Variants in KCNIP4 observed in about 807,000 individuals in gnomAD.
KCNIP4 encodes the protein Kv channel-interacting protein 4.
A neutral mutation model predicts 34.0 loss-of-function variants in KCNIP4; 12 were observed. The observed-to-expected ratio is 0.35, with a 90% CI of 0.23 to 0.57. The LOEUF (loss-of-function observed/expected upper bound fraction) is 0.57. Ranked by LOEUF, KCNIP4 falls within the 20% of genes least tolerant of loss-of-function variation. The pLI, the probability that KCNIP4 is intolerant of heterozygous loss-of-function variation, is 0.83. For missense variants in KCNIP4, 238 were observed against 311.7 expected (o/e 0.76, Z 1.78); for synonymous variants, 124 against 102.2 (o/e 1.21, Z -1.29).
intron 1 of KCNIP4, among the ~76,000 whole-genome samples, chr4:21,796,058 G>A (rs1356254756): frequency 1.3e-5 from 2 of 152,160 alleles, no homozygotes; most frequent in African/African-American, 4.8e-5. Flanking sequence ...TACAGAGACA[G>A]ACTCTGTCTC....
intron 5 of KCNIP4, among the ~76,000 whole-genome samples, chr4:20,735,041 C>T (rs1010910244): frequency 2.2e-4 from 33 of 152,136 alleles, no homozygotes; most frequent in African/African-American, 7.7e-4. Flanking sequence ...TGCAAGTGCA[C>T]ATGATTTACT....
At chr4:20,772,476 G>GT (rs998721903) in intron 3 of KCNIP4, among the ~76,000 whole-genome samples, 21 of 152,046 alleles carry the variant, frequency 1.4e-4, no homozygotes, top group Admixed American at 7.9e-4. Context: ...AACTTGAATT[G>GT]TTTTTTACAA....
chr4:21,483,436 A>G (rs1731619349), intron 1 of KCNIP4, among the ~76,000 whole-genome samples: 1 of 151,814 alleles, frequency 6.6e-6, no homozygotes, highest in South Asian at 2.1e-4. Flanking sequence ...GTTTCCAACG[A>G]TTTAGTACCA....
chr4:21,101,454 G>A (rs1487144846), intron 1 of KCNIP4, among the ~76,000 whole-genome samples: 1 of 152,026 alleles, frequency 6.6e-6, no homozygotes, highest in Non-Finnish European at 1.5e-5. Context: ...GGACACTTAG[G>A]TTGATTCCAA....
intron 1 of KCNIP4, among the ~76,000 whole-genome samples, chr4:21,368,237 TACAC>T (rs71189694): frequency 7.0e-5 from 10 of 143,698 alleles, no homozygotes; most frequent in South Asian, 4.3e-4. Flanking sequence ...AAGAAGCTGT[TACAC>T]ACACACACAC....
At chr4:21,455,312 T>C (rs1348610380) in intron 1 of KCNIP4, among the ~76,000 whole-genome samples, 1 of 152,040 alleles carries the variant, frequency 6.6e-6, no homozygotes, top group Non-Finnish European at 1.5e-5. Flanking sequence ...GCAAGGACCC[T>C]AAAGGGCATC....
chr4:20,803,727 G>GAGGAAGGAAGGAAGGAAGGAAGGA (rs1553898989), intron 3 of KCNIP4, among the ~76,000 whole-genome samples: 1 of 91,442 alleles, frequency 1.1e-5, no homozygotes, highest in Non-Finnish European at 2.4e-5. Flanking sequence ...GAGAGAGAGA[G>GAGGAAGGAAGGAAGGAAGGAAGGA]AGGAAGGAAG....
intron 1 of KCNIP4, among the ~76,000 whole-genome samples, chr4:21,381,569 C>G (rs756610358): frequency 6.6e-6 from 1 of 152,160 alleles, no homozygotes; most frequent in Non-Finnish European, 1.5e-5. Context: ...TGTAACAGAG[C>G]TCAACCACTG....
intron 1 of KCNIP4, among the ~76,000 whole-genome samples, chr4:20,916,133 C>T (rs1358948206): frequency 6.6e-6 from 1 of 152,140 alleles, no homozygotes; most frequent in African/African-American, 2.4e-5. Context: ...TCCTACAGTC[C>T]TTCAAGTTAC....
At chr4:20,816,093 A>C (rs1716337526) in intron 3 of KCNIP4, among the ~76,000 whole-genome samples, 1 of 152,082 alleles carries the variant, frequency 6.6e-6, no homozygotes, top group Non-Finnish European at 1.5e-5. Context: ...TACTAAAAAA[A>C]AATACAAAAA....
intron 1 of KCNIP4, among the ~76,000 whole-genome samples, chr4:21,431,138 C>A (rs13128468): frequency 6.7e-6 from 1 of 149,670 alleles, no homozygotes. Flanking sequence ...TAAAGAGGAA[C>A]GAAGGAGAAG....
At chr4:21,677,898 A>G (rs1271596084) in intron 1 of KCNIP4, among the ~76,000 whole-genome samples, 1 of 152,100 alleles carries the variant, frequency 6.6e-6, no homozygotes, top group Admixed American at 6.6e-5. Flanking sequence ...TACAGCCATG[A>G]GTCACCACAC....
chr4:20,837,899 A>G (rs140481499), intron 3 of KCNIP4, among the ~76,000 whole-genome samples: 2,558 of 150,542 alleles, frequency 0.017, 69 homozygotes, highest in African/African-American at 0.056. Context: ...CATGGTGGCC[A>G]GGTTGGTCTT....
intron 1 of KCNIP4, among the ~76,000 whole-genome samples, chr4:21,699,724 A>G (rs1472525598): frequency 6.6e-6 from 1 of 152,154 alleles, no homozygotes; most frequent in Admixed American, 6.6e-5. Flanking sequence ...AGACATTTTC[A>G]TGGATAAAGT....
At chr4:21,341,719 C>A (rs1383581674) in intron 1 of KCNIP4, among the ~76,000 whole-genome samples, 1 of 152,104 alleles carries the variant, frequency 6.6e-6, no homozygotes, top group African/African-American at 2.4e-5. Flanking sequence ...TTCTGAGATA[C>A]ATGAATCAGT....
intron 1 of KCNIP4, among the ~76,000 whole-genome samples, chr4:21,616,546 C>T (rs1386570929): frequency 6.6e-6 from 1 of 152,146 alleles, no homozygotes; most frequent in Non-Finnish European, 1.5e-5. Context: ...TTTACTTTCT[C>T]TTCATGTTAG....
At chr4:21,540,751 C>T (rs1294913622) in intron 1 of KCNIP4, among the ~76,000 whole-genome samples, 1 of 152,140 alleles carries the variant, frequency 6.6e-6, no homozygotes, top group Non-Finnish European at 1.5e-5. Context: ...CATATTATCA[C>T]CTCACAGGAC....
chr4:21,770,600 T>C (rs61456402), intron 1 of KCNIP4, among the ~76,000 whole-genome samples: 22,603 of 152,038 alleles, frequency 0.15, 5,655 homozygotes, highest in African/African-American at 0.51. Flanking sequence ...TGTTTCACCA[T>C]AGACTCGTCA....
At chr4:21,332,368 A>C (rs1210886786) in intron 1 of KCNIP4, among the ~76,000 whole-genome samples, 1 of 151,846 alleles carries the variant, frequency 6.6e-6, no homozygotes, top group Non-Finnish European at 1.5e-5. Flanking sequence ...TATGGTGATG[A>C]CTCCAGATTT....
Sources: gnomAD v4.1 joint callset for allele counts (sites outside exome capture counted in the v4.1 genomes callset) on GRCh38, gnomAD v4.1.1 for gene constraint, MANE v1.5 for transcripts, NCBI Gene and HGNC (gene_info 2026-07-23, HGNC 2026-07-21) for gene names.